Variants in TIAM2 observed in about 807,000 individuals in gnomAD.
The protein encoded by TIAM2 is rho guanine nucleotide exchange factor TIAM2.
Under a neutral mutation model 152.9 loss-of-function variants are expected in TIAM2, and 80 were observed. The observed-to-expected ratio is 0.52, with a 90% CI of 0.44 to 0.63. The LOEUF (loss-of-function observed/expected upper bound fraction) is 0.63, where lower values mean the gene tolerates loss of function less well. TIAM2 is among the 30% of genes least tolerant of loss of function. The pLI is 0.00. For synonymous variants in TIAM2, 804 were observed against 838.0 expected (o/e 0.96, Z 0.70); for missense variants, 1,965 against 2,120.1 (o/e 0.93, Z 1.44).
At chr6:155,022,129 A>G (rs750400899) in intron 1 of TIAM2, among the ~76,000 whole-genome samples, 11 of 152,186 alleles carry the variant, frequency 7.2e-5, no homozygotes, top group Non-Finnish European at 1.5e-4. Context: ...TCGTCCTGAT[A>G]TAGCTCTCAC....
chr6:155,133,739 CTT>C (rs35077380), intron 4 of TIAM2, among the ~76,000 whole-genome samples: 3 of 144,630 alleles, frequency 2.1e-5, no homozygotes, highest in African/African-American at 5.0e-5. Context: ...AGTTTTTACT[CTT>C]TTTTTTTTTT....
At chr6:155,015,976 C>T (rs1778572715) in intron 1 of TIAM2, among the ~76,000 whole-genome samples, 1 of 133,582 alleles carries the variant, frequency 7.5e-6, no homozygotes, top group Non-Finnish European at 1.6e-5. Context: ...AAAAAAAACT[C>T]CAAACAAACC....
At chr6:155,153,091 T>G (rs1198867136) in intron 7 of TIAM2, among the ~76,000 whole-genome samples, 1 of 152,164 alleles carries the variant, frequency 6.6e-6, no homozygotes, top group East Asian at 1.9e-4. Flanking sequence ...TTATCCATTC[T>G]TTGACAGAAT....
intron 15 of TIAM2, chr6:155,216,848 GGAAA>G (rs1781872313): frequency 1.8e-6 from 2 of 1,128,196 alleles, no homozygotes; most frequent in South Asian, 3.5e-5. Flanking sequence ...CGGCATGGGT[GGAAA>G]CAGAGCAGGG....
intron 9 of TIAM2, among the ~76,000 whole-genome samples, chr6:155,170,342 T>A (rs1313969724): frequency 1.3e-5 from 2 of 152,200 alleles, no homozygotes; most frequent in Non-Finnish European, 2.9e-5. Context: ...ACTTTGAAAG[T>A]TAAGAGGCCT....
At chr6:155,207,903 C>G (rs554266630) in intron 14 of TIAM2, among the ~76,000 whole-genome samples, 1 of 152,292 alleles carries the variant, frequency 6.6e-6, no homozygotes, top group African/African-American at 2.4e-5. Context: ...GTTCCAAAAT[C>G]TTTGAAGAGA....
intron 2 of TIAM2, among the ~76,000 whole-genome samples, chr6:155,105,411 A>G (rs1449704251): frequency 6.6e-6 from 1 of 152,140 alleles, no homozygotes; most frequent in Non-Finnish European, 1.5e-5. Context: ...TTGGCCTCCC[A>G]GAGGCTGGAA....
At chr6:155,200,921 T>C (rs776984721) in intron 14 of TIAM2, among the ~76,000 whole-genome samples, 1 of 151,682 alleles carries the variant, frequency 6.6e-6, no homozygotes, top group Non-Finnish European at 1.5e-5. Context: ...ATAAAATAAA[T>C]AAACAATAAA....
chr6:155,030,418 T>C (rs1173028125), intron 1 of TIAM2, among the ~76,000 whole-genome samples: 1 of 152,172 alleles, frequency 6.6e-6, no homozygotes, highest in Non-Finnish European at 1.5e-5. Context: ...TTTGTTACTA[T>C]GATCTCCCGA....
chr6:155,024,384 T>C (rs904577790), intron 1 of TIAM2, among the ~76,000 whole-genome samples: 1 of 152,114 alleles, frequency 6.6e-6, no homozygotes, highest in Admixed American at 6.6e-5. Context: ...CAGAGGATTT[T>C]CAGACAACAA....
intron 14 of TIAM2, among the ~76,000 whole-genome samples, chr6:155,207,102 C>T (rs1781616217): frequency 6.6e-6 from 1 of 152,130 alleles, no homozygotes; most frequent in African/African-American, 2.4e-5. Flanking sequence ...TACTTACTCC[C>T]TTTAGCAGCT....
chr6:155,252,986 G>C lies in TIAM2; in HGVS notation c.4158G>C (p.Leu1386Phe). Reference sequence around the variant, plus strand: ...GGCCTGCACACAACTCTACTGACTTGGACCCATTTAAATTCCGCTGGTTGA... The same window carrying C: ...GGCCTGCACACAACTCTACTGACTTCGACCCATTTAAATTCCGCTGGTTGA... ...NSRPAHNSTD[L>F]DPFKFRWLIP... The change falls in exon 24 of 27, where the codon TTG (leucine) becomes TTC (phenylalanine). Residue 1386 changes from leucine to phenylalanine, a missense_variant. By Grantham distance (22) the Leu-to-Phe change is conservative (BLOSUM62 0). Around this residue, in one of 3 missense-constraint regions of TIAM2, gnomAD observed 935 missense variants for 980.0 expected, o/e 0.95. Coordinates refer to ENST00000682666, the MANE Select transcript of TIAM2 (RefSeq NM_012454.4). 6.2e-7 allele frequency: 1 copy of C among 1,614,088 alleles called. No homozygotes were observed. Among genetic ancestry groups the C allele is most frequent in the Non-Finnish European group, 8.5e-7 (1 of 1,180,024 alleles).
chr6:155,047,575 A>G (rs1409914461), intron 1 of TIAM2, among the ~76,000 whole-genome samples: 1 of 151,904 alleles, frequency 6.6e-6, no homozygotes, highest in Non-Finnish European at 1.5e-5. Flanking sequence ...AACCTTTGGA[A>G]AAGCCCATTG....
intron 14 of TIAM2, among the ~76,000 whole-genome samples, chr6:155,210,708 G>A (rs1332756678): frequency 1.3e-5 from 2 of 152,154 alleles, no homozygotes; most frequent in Non-Finnish European, 2.9e-5. Flanking sequence ...TTCAAGTTAG[G>A]ATGAAATTGT....
intron 1 of TIAM2, among the ~76,000 whole-genome samples, chr6:155,001,147 A>T (rs1274304727): frequency 6.6e-6 from 1 of 152,112 alleles, no homozygotes. Context: ...CCAGAAATAT[A>T]AAGGAAGTGC....
In TIAM2 at chr6:155,130,117, C is replaced by T. The variant is rs369014630; in HGVS notation, c.894C>T (p.Ser298=). 16 of 1,614,072 alleles carry T rather than the reference C, an allele frequency of 9.9e-6. No individual in the cohort carries two copies. In the African/African-American group the frequency reaches 2.1e-4, roughly 22 times the overall value. Residue 298 remains serine (S), a synonymous_variant, in exon 4 of 27, where the codon TCC becomes TCT. Coordinates refer to ENST00000682666, the MANE Select transcript of TIAM2 (RefSeq NM_012454.4). ...TCAACCAAAGCTCTTCCCTCTCCTC[C>T]CTCCGGGAACTGTACAAAGATGCCA... is the stretch of plus-strand genomic sequence containing the variant. The part of the protein sequence containing the change: ...KPFNQSSSLS[S]LRELYKDANL...
At chr6:155,086,136 A>G (rs892832892) in intron 1 of TIAM2, among the ~76,000 whole-genome samples, 2 of 152,142 alleles carry the variant, frequency 1.3e-5, no homozygotes, top group African/African-American at 4.8e-5. Flanking sequence ...GTGGCACTGG[A>G]GCATGTGAGG....
In TIAM2 at chr6:155,066,835, A is replaced by C. The variant is rs560235303; in HGVS notation, c.-208-23454A>C. Among the ~76,000 whole-genome samples the C allele has an allele frequency of 2.0e-5, 3 of 152,176 alleles. No homozygotes were observed. The South Asian group carries it at 6.2e-4, about 32-fold the overall frequency. ...CAGTGGTGCGATCTTGGCTCACTGC[A>C]ACCTCTGCCTCCCAGGTTCAAGCGA... On this transcript the variant is annotated intron_variant, in intron 1 of 26. Transcript: ENST00000682666.
At chr6:155,179,198 A>G in intron 11 of TIAM2, 55 bp downstream of exon 11, 1 of 1,530,696 alleles carries the variant, frequency 6.5e-7, no homozygotes, top group African/African-American at 1.4e-5. Context: ...TGGCCCTTTG[A>G]TTTTGAAAAA....
Sources: gnomAD v4.1 joint callset for allele counts (sites outside exome capture counted in the v4.1 genomes callset) on GRCh38, gnomAD v4.1.1 for gene constraint, gnomAD v4.1.1 regional missense constraint, MANE v1.5 for transcripts, NCBI Gene and HGNC (gene_info 2026-07-23, HGNC 2026-07-21) for gene names.